Variants in KCNN2 observed in about 807,000 individuals in gnomAD.
The protein encoded by KCNN2 is potassium calcium-activated channel subfamily N member 2, also known as small conductance calcium-activated potassium channel protein 2.
Under a neutral mutation model 55.5 loss-of-function variants are expected in KCNN2, and 24 were observed. The observed-to-expected ratio is 0.43, with a 90% CI of 0.31 to 0.61. The LOEUF (loss-of-function observed/expected upper bound fraction) is 0.61, where lower values mean the gene tolerates loss of function less well. Among genes scored for constraint, KCNN2 ranks in the 20% least tolerant of loss-of-function variants. The pLI is 0.08. For synonymous variants in KCNN2, 431 were observed against 336.1 expected, an observed-to-expected ratio of 1.28 and a Z score of -3.09; for missense variants, 754 against 853.6, an observed-to-expected ratio of 0.88 and a Z score of 1.45.
At chr5:114,460,434 GGTTTCACTGTGTTGGCCCAA>G (rs1761141086) in intron 3 of KCNN2, among the ~76,000 whole-genome samples, 1 of 152,012 alleles carries the variant, frequency 6.6e-6, no homozygotes, top group African/African-American at 2.4e-5. Context: ...GTAGAGATGG[GGTTTCACTGTGTTGGCCCAA>G]GCTGGTCCCG....
intron 1 of KCNN2, among the ~76,000 whole-genome samples, chr5:114,136,682 A>C (rs1216928654): frequency 3.3e-5 from 5 of 152,312 alleles, no homozygotes; most frequent in Middle Eastern, 6.8e-3. Flanking sequence ...GAAATTGGGA[A>C]TAAGACAAAC....
intron 1 of KCNN2, among the ~76,000 whole-genome samples, chr5:114,193,297 A>G (rs1408804692): frequency 6.6e-6 from 1 of 151,998 alleles, no homozygotes; most frequent in Non-Finnish European, 1.5e-5. Flanking sequence ...GTCATGCTTT[A>G]TGTTGTGCTC....
At chr5:114,159,125 T>C (rs887109313) in intron 1 of KCNN2, among the ~76,000 whole-genome samples, 8 of 152,210 alleles carry the variant, frequency 5.3e-5, no homozygotes, top group Non-Finnish European at 1.0e-4. Flanking sequence ...TTCAGTATGA[T>C]ATTGGCTGTG....
At chr5:114,294,112 T>C (rs2150019289) in intron 2 of KCNN2, among the ~76,000 whole-genome samples, 1 of 152,294 alleles carries the variant, frequency 6.6e-6, no homozygotes, top group East Asian at 1.9e-4. Context: ...GCTAGCGGTC[T>C]ATCAATTTTG....
In KCNN2 at chr5:114,362,902, G is replaced by C. The variant is rs898884202; in HGVS notation, c.763G>C (p.Gly255Arg). The change falls in exon 1 of 8, where the codon GGT becomes CGT. Residue 255 changes from glycine (G) to arginine (R), a missense_variant. This residue lies in a region of KCNN2 where 381 missense variants were observed against 259.1 expected (regional missense o/e 1.47). Coordinates refer to ENST00000673685, the MANE Select transcript of KCNN2 (RefSeq NM_021614.4). ...GCAGCCCCCCGCGTCTGTCGGAGGA[G>C]GTGGCGGCGCGTCCTCCCCGTCTGC... ...PLQPPASVGG[G>R]GGASSPSAAA... The C allele has an allele frequency of 5.6e-6, 9 of 1,593,744 alleles. No individual in the cohort carries two copies. Among genetic ancestry groups the C allele is most frequent in the Admixed American group, 1.7e-5 (1 of 59,092 alleles).
At chr5:114,188,804 G>C (rs1443643868) in intron 1 of KCNN2, among the ~76,000 whole-genome samples, 1 of 152,054 alleles carries the variant, frequency 6.6e-6, no homozygotes, top group African/African-American at 2.4e-5. Context: ...ATATAAAGAA[G>C]ACTAAAAAAG....
At chr5:114,354,026 T>A (rs776330556) in intron 2 of KCNN2, among the ~76,000 whole-genome samples, 18 of 152,002 alleles carry the variant, frequency 1.2e-4, no homozygotes, top group Non-Finnish European at 2.2e-4. Context: ...TTCTCTTTTT[T>A]CTTTTGGTCT....
chr5:114,229,740 T>C (rs1754317799), intron 2 of KCNN2, among the ~76,000 whole-genome samples: 1 of 83,972 alleles, frequency 1.2e-5, no homozygotes. Flanking sequence ...TTGGGAAAAG[T>C]CTAATTACTG....
intron 2 of KCNN2, among the ~76,000 whole-genome samples, chr5:114,382,049 C>G (rs746413546): frequency 6.6e-6 from 1 of 152,124 alleles, no homozygotes; most frequent in Non-Finnish European, 1.5e-5. Flanking sequence ...AGATTGTTAT[C>G]CTGTTAATGG....
At chr5:114,335,137 A>G (rs1438633680) in intron 2 of KCNN2, among the ~76,000 whole-genome samples, 2 of 151,968 alleles carry the variant, frequency 1.3e-5, no homozygotes, top group Non-Finnish European at 2.9e-5. Flanking sequence ...GTTAGCCAGG[A>G]TGGTGTTTAT....
At chr5:114,060,580 C>A (rs1274078663) in intron 1 of KCNN2, among the ~76,000 whole-genome samples, 1 of 152,234 alleles carries the variant, frequency 6.6e-6, no homozygotes, top group Non-Finnish European at 1.5e-5. Context: ...TTTCCTCAGA[C>A]AGCTGAGTAT....
At chr5:114,480,936 C>G (rs1282087707) in intron 5 of KCNN2, among the ~76,000 whole-genome samples, 14 of 152,102 alleles carry the variant, frequency 9.2e-5, no homozygotes, top group Admixed American at 9.2e-4. Context: ...AGAAGCATTC[C>G]CCTTGAAAAC....
chr5:114,227,434 G>A lies in KCNN2; in HGVS notation c.-185+5869G>A, dbSNP rs542858525. ...CTTTACTCATGCCCTAAAGTACCCCGTACTGTTGTACTCTTACTCTTACCC... is the reference window on the plus strand; with the variant it reads ...CTTTACTCATGCCCTAAAGTACCCCATACTGTTGTACTCTTACTCTTACCC... On this transcript the variant is annotated intron_variant, in intron 2 of 10. Coordinates refer to the KCNN2 transcript ENST00000512097. 2.5e-3 allele frequency among the ~76,000 whole-genome samples: 381 copies of A among 152,060 alleles called. 2 individuals are homozygous for A. The highest frequency in any genetic ancestry group is 8.5e-3 in the African/African-American group (354 of 41,462).
At chr5:114,105,155 C>T (rs1342575647) in intron 1 of KCNN2, among the ~76,000 whole-genome samples, 4 of 152,044 alleles carry the variant, frequency 2.6e-5, no homozygotes. Flanking sequence ...TGGCAGTTCT[C>T]AGATGGCTGC....
intron 2 of KCNN2, among the ~76,000 whole-genome samples, chr5:114,238,731 T>C (rs962939406): frequency 1.1e-4 from 17 of 152,202 alleles, no homozygotes; most frequent in Admixed American, 5.2e-4. Context: ...CAATTTATGT[T>C]AATTTAGAAT....
Position 114,326,132 on chromosome 5 carries a change from C to A in KCNN2, c.-184-34813C>A, listed in dbSNP as rs548649631. On this transcript the variant is annotated intron_variant, in intron 2 of 10. Coordinates refer to the KCNN2 transcript ENST00000512097. ...GATTTTGAAATTTGGGGATTGCAGG[C>A]ACGTGTGTGTGATATTTGTGTGAAG... Among the ~76,000 whole-genome samples, 11 of 152,252 alleles carry A rather than the reference C, an allele frequency of 7.2e-5. No homozygotes were observed. In the East Asian group the frequency reaches 1.9e-3, roughly 27 times the overall value.
intron 1 of KCNN2, among the ~76,000 whole-genome samples, chr5:114,363,632 C>G (rs765113821): frequency 2.0e-5 from 3 of 152,166 alleles, no homozygotes; most frequent in Non-Finnish European, 4.4e-5. Flanking sequence ...GTTTTGCTAG[C>G]CTGGAACAGC....
intron 3 of KCNN2, among the ~76,000 whole-genome samples, chr5:114,436,578 C>T (rs755122307): frequency 6.6e-6 from 1 of 152,170 alleles, no homozygotes; most frequent in Non-Finnish European, 1.5e-5. Flanking sequence ...GGCATACATA[C>T]TTGGACGGTT....
At chr5:114,466,697 T>C (rs376098341) in intron 4 of KCNN2, among the ~76,000 whole-genome samples, 9 of 152,248 alleles carry the variant, frequency 5.9e-5, no homozygotes, top group Admixed American at 4.6e-4. Flanking sequence ...TGACTGGATT[T>C]TTTGGTTTAA....
Sources: allele counts gnomAD v4.1 joint callset (sites outside exome capture counted in the v4.1 genomes callset), GRCh38; gene constraint gnomAD v4.1.1; regional missense constraint gnomAD v4.1.1; transcripts MANE v1.5; gene names NCBI Gene and HGNC (gene_info 2026-07-23, HGNC 2026-07-21).